Variants in SEC31A observed in about 807,000 individuals in gnomAD.
The protein encoded by SEC31A is protein transport protein Sec31A.
In SEC31A, 70 loss-of-function variants were observed where a neutral mutation model predicts 151.0. That is an observed-to-expected ratio of 0.46 (90% confidence interval 0.38 to 0.57). SEC31A has a LOEUF of 0.57. Among genes scored for constraint, SEC31A ranks in the 20% least tolerant of loss-of-function variants. SEC31A has a pLI of 0.00. For missense variants in SEC31A, 1,330 were observed against 1,471.2 expected (o/e 0.90, Z 1.57); for synonymous variants, 475 against 505.9 (o/e 0.94, Z 0.82).
chr4:82,880,194 CA>C (rs1405609193), intron 3 of SEC31A, among the ~76,000 whole-genome samples: 11 of 149,030 alleles, frequency 7.4e-5, no homozygotes, highest in African/African-American at 2.5e-4. Context: ...AAAAAAAAAA[CA>C]AAAACAAAAA....
rs762849984 is a variant in SEC31A, at chr4:82,857,748, T to C, written c.1643A>G (p.Lys548Arg). 2.5e-6 allele frequency: 4 copies of C among 1,599,438 alleles called. No individual in the cohort carries two copies. The highest frequency in any genetic ancestry group is 1.7e-5 in the Admixed American group (1 of 59,950). The change falls in exon 15 of 27, where the codon AAA becomes AGA. Residue 548 changes from lysine (K) to arginine (R), a missense_variant. Transcript: ENST00000395310. ...QLLGEHIKEE[K>R]EESEFLPSSG... is the part of the protein sequence containing the mutation. Reference sequence around the variant, plus strand: ...TGAGGGTAGAAATTCAGATTCTTCTTTTTCCTCTTTAATGTGCTAAAGAGA... The same window carrying C: ...TGAGGGTAGAAATTCAGATTCTTCTCTTTCCTCTTTAATGTGCTAAAGAGA...
chr4:82,850,532 A>C (rs191653014), intron 19 of SEC31A, among the ~76,000 whole-genome samples: 34 of 152,332 alleles, frequency 2.2e-4, no homozygotes, highest in African/African-American at 7.7e-4. Flanking sequence ...CAATTGACTA[A>C]AAAAATACAT....
At chr4:82,858,953 G>A (rs536750584) in intron 14 of SEC31A, among the ~76,000 whole-genome samples, 60 of 151,926 alleles carry the variant, frequency 3.9e-4, no homozygotes, top group Non-Finnish European at 7.9e-4. Flanking sequence ...CGCCCTCCTT[G>A]GCCTCCCAAA....
At position 82,866,769 on chromosome 4, in the gene SEC31A, C is replaced by T. The variant is rs756572705; in HGVS notation, c.1197+39G>A. 4 of 1,553,986 alleles carry T rather than the reference C, an allele frequency of 2.6e-6. No homozygotes were observed. The South Asian group carries it at 4.9e-5, about 19-fold the overall frequency. On this transcript the variant is annotated intron_variant, in intron 10 of 26. Transcript: ENST00000395310. Reference sequence around the variant, plus strand: ...ATAATAACACTTTGGTATAAAAAGTCCTTTGTGCCTATGGACCATAAAAAC... The same window carrying T: ...ATAATAACACTTTGGTATAAAAAGTTCTTTGTGCCTATGGACCATAAAAAC...
intron 3 of SEC31A, 28 bp downstream of exon 3, chr4:82,880,771 C>A: frequency 1.3e-6 from 2 of 1,570,808 alleles, no homozygotes; most frequent in South Asian, 2.4e-5. Context: ...ATTAAATAAT[C>A]ACATGAATTT....
rs1302673166 is a variant in SEC31A, at chr4:82,870,510, C to T, written c.783-86G>A. ...TTTCTGCCTAGGTTTTGTAGATTCA[C>T]ACATTGTTAACAGAAATACAATTAA... On this transcript the variant is annotated intron_variant, in intron 7 of 26. Coordinates refer to ENST00000395310, the MANE Select transcript of SEC31A (RefSeq NM_001077207.4). The T allele has an allele frequency of 8.5e-6, 9 of 1,060,072 alleles. No individual in the cohort carries two copies. The East Asian group carries it at 2.2e-4, about 26-fold the overall frequency. The allele number at this position is 1,060,072 out of a possible 1,614,324, so 65.7% of individuals were successfully genotyped here.
At chr4:82,843,806 C>CT (rs1729457640) in intron 21 of SEC31A, 1 of 152,040 alleles carries the variant, frequency 6.6e-6, no homozygotes, top group African/African-American at 2.4e-5. Context: ...ATGTACAACA[C>CT]TGAGAGTGTA....
In SEC31A at chr4:82,880,370, G is replaced by A. The variant is rs954612305; in HGVS notation, c.203+429C>T. On this transcript the variant is annotated intron_variant, in intron 3 of 26. Coordinates refer to ENST00000395310, the MANE Select transcript of SEC31A (RefSeq NM_001077207.4). ...TTTGGGAGGCTAAGGTGGGTGGATT[G>A]CTTGAGGTCAAGAGTTCAAAACCAG... Among the ~76,000 whole-genome samples, 3 of 152,118 alleles carry A rather than the reference G, an allele frequency of 2.0e-5. No individual in the cohort carries two copies. The East Asian group carries it at 5.8e-4, about 29-fold the overall frequency.
chr4:82,821,547 T>TTAA (rs1454783154), intron 25 of SEC31A: 1 of 1,260 alleles, frequency 7.9e-4, no homozygotes, highest in Non-Finnish European at 3.0e-3. Context: ...AGACTCCGTC[T>TTAA]CAAAAAAAAA....
chr4:82,834,685 A>G (rs959959380), intron 22 of SEC31A, among the ~76,000 whole-genome samples: 2 of 152,124 alleles, frequency 1.3e-5, no homozygotes, highest in African/African-American at 2.4e-5. Flanking sequence ...ACCATGCAAT[A>G]TATCAAGCCA....
At chr4:82,862,241 T>G (rs1451697584) in intron 13 of SEC31A, among the ~76,000 whole-genome samples, 1 of 148,420 alleles carries the variant, frequency 6.7e-6, no homozygotes, top group African/African-American at 2.5e-5. Context: ...TACCATTTTT[T>G]TTTTCCTGGC....
At chr4:82,866,995 A>G in intron 9 of SEC31A, 35 bp from the exon 10 acceptor site, 2 of 1,589,590 alleles carry the variant, frequency 1.3e-6, no homozygotes, top group Non-Finnish European at 1.7e-6. Flanking sequence ...GCATCCGACC[A>G]TACACAAAGT....
In SEC31A at chr4:82,824,577, C is replaced by T. The variant is rs773782601; in HGVS notation, c.3389G>A (p.Cys1130Tyr). The T allele has an allele frequency of 1.9e-6, 3 of 1,613,536 alleles. No homozygotes were observed. Among genetic ancestry groups the T allele is most frequent in the Non-Finnish European group, 2.5e-6 (3 of 1,179,768 alleles). Reference protein sequence around the residue: ...KTTFEDLIQRCLSSATDPQTK... With the variant: ...KTTFEDLIQRYLSSATDPQTK... ...TACAGGGTCTGTTGCTGAAGAAAGG[C>T]AGCGCTGAATAAGATCCTCAAATGT... Residue 1130 changes from cysteine (C) to tyrosine (Y), a missense_variant, in exon 25 of 27, where the codon TGC becomes TAC. Coordinates refer to ENST00000395310, the MANE Select transcript of SEC31A (RefSeq NM_001077207.4).
chr4:82,826,657 G>C (rs1724661951), intron 24 of SEC31A, among the ~76,000 whole-genome samples: 1 of 152,314 alleles, frequency 6.6e-6, no homozygotes, highest in East Asian at 1.9e-4. Context: ...CCGGCTTCAG[G>C]CATATTATCT....
chr4:82,865,702 A>G (rs1346133445), intron 10 of SEC31A, among the ~76,000 whole-genome samples: 2 of 152,204 alleles, frequency 1.3e-5, no homozygotes, highest in South Asian at 4.2e-4. Context: ...CAAGTACTGC[A>G]TGATTCCATT....
intron 19 of SEC31A, among the ~76,000 whole-genome samples, chr4:82,851,049 T>C (rs532621692): frequency 1.4e-3 from 208 of 152,344 alleles, no homozygotes; most frequent in Non-Finnish European, 2.3e-3. Flanking sequence ...ATTTTAAAAA[T>C]GTTAACAACT....
rs753553049 is a variant in SEC31A, at chr4:82,853,613, C to A, written c.2111G>T (p.Cys704Phe). Reference sequence around the variant, plus strand: ...GCTTCCATCTTGAGCTTTAGTCCAACATGCAACTAATTTCTCTACATTCCC... The same window carrying A: ...GCTTCCATCTTGAGCTTTAGTCCAAAATGCAACTAATTTCTCTACATTCCC... Reference protein sequence around the residue: ...CAGNVEKLVACWTKAQDGSHP... With the variant: ...CAGNVEKLVAFWTKAQDGSHP... Residue 704 changes from cysteine to phenylalanine, a missense_variant, in exon 18 of 27, where the codon TGT (cysteine) becomes TTT (phenylalanine). Cys to Phe is a radical substitution (Grantham distance 205). Transcript: ENST00000395310. The A allele has an allele frequency of 1.9e-6, 3 of 1,599,164 alleles. No individual in the cohort carries two copies. The highest frequency in any genetic ancestry group is 2.6e-6 in the Non-Finnish European group (3 of 1,176,006).
intron 20 of SEC31A, chr4:82,845,123 G>A: frequency 1.0e-6 from 1 of 961,742 alleles, no homozygotes; most frequent in South Asian, 1.5e-5. Flanking sequence ...AAGAGCTTGA[G>A]GAAGGTAAGT....
intron 1 of SEC31A, 84 bp from the exon 2 acceptor site, chr4:82,882,024 C>A (rs1227061041): frequency 9.7e-7 from 1 of 1,027,154 alleles, no homozygotes; most frequent in Non-Finnish European, 1.5e-6. Flanking sequence ...TAGAAACATA[C>A]TGAACAAACC....
Sources: allele counts gnomAD v4.1 joint callset (sites outside exome capture counted in the v4.1 genomes callset), GRCh38; gene constraint gnomAD v4.1.1; transcripts MANE v1.5; gene names NCBI Gene and HGNC (gene_info 2026-07-23, HGNC 2026-07-21).